The following ROBO1 variants were observed in gnomAD, a reference collection of about 807,000 sequenced individuals.
The protein encoded by ROBO1 is roundabout homolog 1.
A neutral mutation model predicts 195.9 loss-of-function variants in ROBO1; 149 were observed. That is an observed-to-expected ratio of 0.76 (90% confidence interval 0.67 to 0.87). The LOEUF is 0.87. ROBO1 is among the 40% of genes least tolerant of loss of function. The pLI is 0.00. For synonymous variants in ROBO1, 816 were observed against 733.2 expected (o/e 1.11, Z -1.82); for missense variants, 1,933 against 2,068.3 (o/e 0.93, Z 1.27).
chr3:79,089,963 G>A lies in ROBO1; in HGVS notation c.172+35493C>T, dbSNP rs185492709. On this transcript the variant is annotated intron_variant, in intron 3 of 30. Transcript: ENST00000464233. ...TCTTTTTTTTTTTTTTTTTTAAGACGGAGTCTTCCTCTGTTGCCCAGGCTG... is the reference window on the plus strand; with the variant it reads ...TCTTTTTTTTTTTTTTTTTTAAGACAGAGTCTTCCTCTGTTGCCCAGGCTG... Among the ~76,000 whole-genome samples the A allele has an allele frequency of 2.1e-3, 303 of 144,408 alleles. 2 individuals carry two copies. Among genetic ancestry groups the A allele is most frequent in the African/African-American group, 7.4e-3 (282 of 38,240 alleles). 94.7% of individuals were successfully genotyped at this position (144,408 alleles called of 152,430 possible).
intron 3 of ROBO1, among the ~76,000 whole-genome samples, chr3:79,096,772 C>A (rs1022804379): frequency 1.9e-4 from 29 of 149,906 alleles, no homozygotes; most frequent in Admixed American, 5.3e-4. Context: ...ATGTATATGT[C>A]CAAAGAAGTT....
chr3:79,727,455 G>T (rs551601174), intron 1 of ROBO1, among the ~76,000 whole-genome samples: 1 of 151,902 alleles, frequency 6.6e-6, no homozygotes, highest in African/African-American at 2.4e-5. Context: ...TAATGTTTTG[G>T]CCAAATTTAG....
chr3:78,792,189 G>A (rs772768378), intron 4 of ROBO1, among the ~76,000 whole-genome samples: 56 of 152,170 alleles, frequency 3.7e-4, no homozygotes, highest in Admixed American at 2.7e-3. Context: ...ACCATCTGGT[G>A]TGAAGCGTGG....
chr3:78,892,098 G>A (rs1188796088), intron 4 of ROBO1, among the ~76,000 whole-genome samples: 3 of 152,184 alleles, frequency 2.0e-5, no homozygotes, highest in East Asian at 1.9e-4. Flanking sequence ...GGCCGTGCAC[G>A]CCTGTAATCC....
At chr3:79,145,848 TG>T (rs1422654377) in intron 2 of ROBO1, among the ~76,000 whole-genome samples, 1 of 151,968 alleles carries the variant, frequency 6.6e-6, no homozygotes, top group East Asian at 1.9e-4. Flanking sequence ...TAAAATAAAA[TG>T]ATCATCTTTA....
intron 2 of ROBO1, among the ~76,000 whole-genome samples, chr3:79,510,175 C>G (rs541342207): frequency 2.0e-4 from 30 of 152,246 alleles, no homozygotes; most frequent in African/African-American, 7.2e-4. Flanking sequence ...TTGTAGTTAC[C>G]ATAATCCCCA....
intron 1 of ROBO1, among the ~76,000 whole-genome samples, chr3:79,693,168 G>C (rs569341801): frequency 6.6e-6 from 1 of 151,610 alleles, no homozygotes; most frequent in African/African-American, 2.4e-5. Flanking sequence ...ATAAGTGTAC[G>C]AGATAATATA....
At chr3:78,952,908 T>A (rs1251642287) in intron 3 of ROBO1, among the ~76,000 whole-genome samples, 2 of 152,088 alleles carry the variant, frequency 1.3e-5, no homozygotes, top group African/African-American at 4.8e-5. Context: ...ATAACCCTAA[T>A]AATTAACTGA....
chr3:79,606,702 T>G (rs773146554), intron 1 of ROBO1, among the ~76,000 whole-genome samples: 5 of 152,032 alleles, frequency 3.3e-5, no homozygotes, highest in Admixed American at 2.6e-4. Context: ...GTGGTCACCC[T>G]TGATATCATA....
intron 3 of ROBO1, among the ~76,000 whole-genome samples, chr3:78,944,152 G>A (rs1214408593): frequency 6.6e-6 from 1 of 152,192 alleles, no homozygotes; most frequent in Non-Finnish European, 1.5e-5. Flanking sequence ...CTGTCATTCA[G>A]CTGTGAAGTG....
At chr3:79,609,928 A>G (rs910425644) in intron 1 of ROBO1, among the ~76,000 whole-genome samples, 2 of 151,984 alleles carry the variant, frequency 1.3e-5, no homozygotes, top group South Asian at 2.1e-4. Context: ...AAGAATGGTC[A>G]TGATGGTTGA....
intron 2 of ROBO1, among the ~76,000 whole-genome samples, chr3:79,462,900 T>A (rs950282607): frequency 9.2e-5 from 14 of 152,226 alleles, no homozygotes; most frequent in African/African-American, 3.1e-4. Context: ...CTGCGTATAG[T>A]ATACGTAGAT....
intron 2 of ROBO1, among the ~76,000 whole-genome samples, chr3:79,277,745 A>G (rs535337860): frequency 6.6e-6 from 1 of 152,036 alleles, no homozygotes; most frequent in African/African-American, 2.4e-5. Context: ...CCATAAATAT[A>G]TACAACTACT....
Position 79,143,945 on chromosome 3 carries a change from C to T in ROBO1, c.89-18406G>A, listed in dbSNP as rs547501531. ...GTTCTATAAATGAAATCATACAGTA[C>T]GTAACTTTTTTGAGAATGACTTTTT... On this transcript the variant is annotated intron_variant, in intron 2 of 30. Coordinates refer to ENST00000464233, the MANE Select transcript of ROBO1 (RefSeq NM_002941.4). Among the ~76,000 whole-genome samples the T allele has an allele frequency of 2.2e-4, 34 of 151,982 alleles. No homozygotes were observed. The South Asian group carries it at 2.9e-3, about 13-fold the overall frequency.
At chr3:79,460,803 A>G (rs1421935041) in intron 2 of ROBO1, among the ~76,000 whole-genome samples, 1 of 151,766 alleles carries the variant, frequency 6.6e-6, no homozygotes, top group East Asian at 1.9e-4. Flanking sequence ...GCTGGAGTGC[A>G]GTGGCGCGAT....
intron 2 of ROBO1, among the ~76,000 whole-genome samples, chr3:79,151,003 T>C (rs1190370888): frequency 6.6e-6 from 1 of 151,750 alleles, no homozygotes; most frequent in Non-Finnish European, 1.5e-5. Flanking sequence ...TGGAGATAAT[T>C]GAATCATGGG....
At chr3:79,659,945 G>A (rs1233031219) in intron 1 of ROBO1, among the ~76,000 whole-genome samples, 1 of 152,054 alleles carries the variant, frequency 6.6e-6, no homozygotes, top group African/African-American at 2.4e-5. Flanking sequence ...ACAGAGCAAT[G>A]ATTGGTTCCC....
intron 1 of ROBO1, among the ~76,000 whole-genome samples, chr3:79,698,736 C>T (rs1168384922): frequency 6.6e-6 from 1 of 151,376 alleles, no homozygotes; most frequent in Non-Finnish European, 1.5e-5. Flanking sequence ...GTATTGCTGG[C>T]ACAATAAAAT....
At chr3:79,013,303 C>T (rs1025532612) in intron 3 of ROBO1, among the ~76,000 whole-genome samples, 1 of 152,186 alleles carries the variant, frequency 6.6e-6, no homozygotes, top group Non-Finnish European at 1.5e-5. Context: ...TCGAAAGCCA[C>T]GTGCATCTGC....
Sources: allele counts gnomAD v4.1 joint callset (sites outside exome capture counted in the v4.1 genomes callset), GRCh38; gene constraint gnomAD v4.1.1; transcripts MANE v1.5; gene names NCBI Gene and HGNC (gene_info 2026-07-23, HGNC 2026-07-21).